The following ROBO1 variants were observed in gnomAD, a reference collection of about 807,000 sequenced individuals.
The protein encoded by ROBO1 is roundabout homolog 1.
ROBO1 carries 149 observed loss-of-function variants against 195.9 expected under a neutral mutation model. The observed-to-expected ratio is 0.76, with a 90% CI of 0.67 to 0.87. The LOEUF (loss-of-function observed/expected upper bound fraction) is 0.87. Among genes scored for constraint, ROBO1 ranks in the 40% least tolerant of loss-of-function variants. The pLI, the probability that ROBO1 is intolerant of heterozygous loss-of-function variation, is 0.00. For synonymous variants in ROBO1, 816 were observed against 733.2 expected, an observed-to-expected ratio of 1.11 and a Z score of -1.82; for missense variants, 1,933 against 2,068.3, an observed-to-expected ratio of 0.93 and a Z score of 1.27.
intron 3 of ROBO1, among the ~76,000 whole-genome samples, chr3:79,099,067 T>C (rs1313536939): frequency 6.6e-6 from 1 of 151,790 alleles, no homozygotes; most frequent in Non-Finnish European, 1.5e-5. Context: ...AAAACTCAGA[T>C]ATTCAAAAAT....
chr3:79,036,200 C>T (rs2078378685), intron 3 of ROBO1, among the ~76,000 whole-genome samples: 1 of 152,054 alleles, frequency 6.6e-6, no homozygotes, highest in East Asian at 1.9e-4. Flanking sequence ...TAATCTTTTT[C>T]TCTTTTTATT....
Position 78,600,204 on chromosome 3 carries a change from C to T in ROBO1, c.4850G>A (p.Arg1617Lys), listed in dbSNP as rs753316267. 1.9e-6 allele frequency: 3 copies of T among 1,613,554 alleles called. No homozygotes were observed. The highest frequency in any genetic ancestry group is 1.7e-4 in the Middle Eastern group (1 of 6,058). Residue 1617 changes from arginine (R) to lysine (K), a missense_variant, in exon 30 of 31, where the codon AGA becomes AAA. Physicochemically the swap from Arg to Lys is conservative, Grantham distance 26. This residue lies in a region of ROBO1 where 1,737 missense variants were observed against 1,882.5 expected (regional missense o/e 0.92). Coordinates refer to ENST00000464233, the MANE Select transcript of ROBO1 (RefSeq NM_002941.4). The part of the protein sequence containing the change: ...MSSRGSGSRQ[R>K]EQANVGRRNI... The stretch of plus-strand genomic sequence containing the variant: ...TCTTCGACCTACATTTGCTTGTTCT[C>T]TTTGTCTGCTTCCTGATCCTCTTGA...
intron 3 of ROBO1, among the ~76,000 whole-genome samples, chr3:78,976,860 G>A (rs377068620): frequency 3.9e-4 from 60 of 152,038 alleles, no homozygotes; most frequent in African/African-American, 1.4e-3. Context: ...TCTCCAAAAC[G>A]TCTTTAAAGA....
intron 2 of ROBO1, among the ~76,000 whole-genome samples, chr3:79,287,277 C>T (rs2031944846): frequency 6.6e-6 from 1 of 152,084 alleles, no homozygotes; most frequent in African/African-American, 2.4e-5. Flanking sequence ...GTCTAGAATG[C>T]TGCCATTTAA....
chr3:79,635,832 A>G (rs908218429), intron 1 of ROBO1, among the ~76,000 whole-genome samples: 6 of 152,158 alleles, frequency 3.9e-5, no homozygotes, highest in African/African-American at 1.4e-4. Flanking sequence ...ATAAACTGTT[A>G]TCCCTTCTAA....
intron 5 of ROBO1, among the ~76,000 whole-genome samples, chr3:78,746,388 A>G (rs1189931016): frequency 2.0e-5 from 3 of 152,224 alleles, no homozygotes. Flanking sequence ...TTCTGGAAAC[A>G]TACTAAATAA....
chr3:79,136,662 G>T (rs2080415263), intron 2 of ROBO1, among the ~76,000 whole-genome samples: 1 of 152,106 alleles, frequency 6.6e-6, no homozygotes, highest in Admixed American at 6.5e-5. Context: ...CCCTATATTT[G>T]TGAAGCTTTA....
chr3:78,673,562 TTATATATATATATATATATATATATA>T (rs1166250669), intron 10 of ROBO1, among the ~76,000 whole-genome samples: 189 of 63,376 alleles, frequency 3.0e-3, no homozygotes, highest in Non-Finnish European at 4.8e-3. Context: ...TACATATATT[TTATATATATATATATATATATATATA>T]TATATATATA....
intron 2 of ROBO1, among the ~76,000 whole-genome samples, chr3:79,210,231 A>G (rs2081945261): frequency 6.6e-6 from 1 of 152,232 alleles, no homozygotes; most frequent in African/African-American, 2.4e-5. Flanking sequence ...AAGCAAAAGA[A>G]CAAATCTGGA....
intron 2 of ROBO1, among the ~76,000 whole-genome samples, chr3:79,126,173 T>A (rs185170356): frequency 4.7e-4 from 72 of 152,324 alleles, no homozygotes; most frequent in Non-Finnish European, 7.6e-4. Flanking sequence ...CTGCAATGAA[T>A]GCATGACTGA....
At chr3:79,733,999 T>G (rs552978690) in intron 1 of ROBO1, among the ~76,000 whole-genome samples, 1 of 151,084 alleles carries the variant, frequency 6.6e-6, no homozygotes, top group East Asian at 2.0e-4. Flanking sequence ...CCAGGCTGGA[T>G]TGCAATGGTG....
Position 78,938,894 on chromosome 3 carries a change from C to T in ROBO1, c.206G>A (p.Arg69His), listed in dbSNP as rs377370843. Residue 69 changes from arginine to histidine, a missense_variant, in exon 4 of 31, where the codon CGC (arginine) becomes CAC (histidine). Physicochemically the swap from Arg to His is conservative, Grantham distance 29 (BLOSUM62 0). Transcript: ENST00000464233. ...SRLRQEDFPP[R>H]IVEHPSDLIV... is the part of the protein sequence containing the mutation. ...CAGGTCTGAAGGGTGTTCAACAATGCGAGGTGGAAAATCTTCCTGACGAAG... is the reference window on the plus strand; with the variant it reads ...CAGGTCTGAAGGGTGTTCAACAATGTGAGGTGGAAAATCTTCCTGACGAAG... The T allele has an allele frequency of 1.2e-5, 20 of 1,610,474 alleles. No homozygotes were observed. Among genetic ancestry groups the T allele is most frequent in the South Asian group, 7.7e-5 (7 of 90,668 alleles).
chr3:79,350,345 T>G (rs2035291822), intron 2 of ROBO1, among the ~76,000 whole-genome samples: 1 of 152,180 alleles, frequency 6.6e-6, no homozygotes, highest in South Asian at 2.1e-4. Flanking sequence ...GCATTGCTAG[T>G]TGGATTGTAA....
chr3:79,646,838 T>C (rs368782270), intron 1 of ROBO1, among the ~76,000 whole-genome samples: 6 of 152,124 alleles, frequency 3.9e-5, no homozygotes, highest in South Asian at 4.1e-4. Flanking sequence ...TTCTCAATCA[T>C]ATAATGGAGG....
intron 2 of ROBO1, among the ~76,000 whole-genome samples, chr3:79,414,332 C>T (rs368292953): frequency 1.0e-3 from 152 of 151,602 alleles, no homozygotes; most frequent in Middle Eastern, 6.8e-3. Flanking sequence ...CTTTATATTC[C>T]TAAATTCAGT....
rs113429038 is a variant in ROBO1, at chr3:79,589,818, A to G, written c.88+6T>C. On this transcript the variant is annotated splice_donor_region_variant and intron_variant, in intron 2 of 30. Transcript: ENST00000464233. ...AGTATTGATGAAACAAATGCACAGC[A>G]CTTACCTGGAATAAGCTGGGCCAGA... 346 of 1,607,760 alleles carry G rather than the reference A, an allele frequency of 2.2e-4. No homozygotes were observed. The African/African-American group carries it at 4.0e-3, about 19-fold the overall frequency.
At chr3:79,498,697 T>C (rs13315270) in intron 2 of ROBO1, among the ~76,000 whole-genome samples, 46,849 of 151,690 alleles carry the variant, frequency 0.31, 7,473 homozygotes, top group Non-Finnish European at 0.35. Flanking sequence ...CTACTAAATA[T>C]ACAAAAATTA....
chr3:79,153,254 C>T (rs1453215061), intron 2 of ROBO1, among the ~76,000 whole-genome samples: 1 of 151,690 alleles, frequency 6.6e-6, no homozygotes, highest in African/African-American at 2.4e-5. Context: ...AAGGCTTAGT[C>T]GCTTAACCCT....
At chr3:79,624,281 G>A (rs572490358) in intron 1 of ROBO1, among the ~76,000 whole-genome samples, 9 of 151,984 alleles carry the variant, frequency 5.9e-5, no homozygotes, top group South Asian at 2.1e-4. Flanking sequence ...ATGAAGAAAC[G>A]GCATCAACTA....
Sources: allele counts gnomAD v4.1 joint callset (sites outside exome capture counted in the v4.1 genomes callset), GRCh38; gene constraint gnomAD v4.1.1; regional missense constraint gnomAD v4.1.1; transcripts MANE v1.5; gene names NCBI Gene and HGNC (gene_info 2026-07-23, HGNC 2026-07-21).